BRAF: variants seen among roughly 807,000 people sequenced by gnomAD.
BRAF encodes serine/threonine-protein kinase B-raf.
Under a neutral mutation model 104.6 loss-of-function variants are expected in BRAF, and 16 were observed. That is an observed-to-expected ratio of 0.15 (90% CI 0.10 to 0.23). BRAF has a LOEUF of 0.23. Among genes scored for constraint, BRAF ranks in the 10% least tolerant of loss-of-function variants. The probability of loss-of-function intolerance (pLI) is 1.00; values close to 1 mark genes in which losing one functional copy is unlikely to be tolerated. For missense variants in BRAF, 541 were observed against 937.3 expected (o/e 0.58, Z 5.52); for synonymous variants, 310 against 341.6 (o/e 0.91, Z 1.02).
At chr7:140,861,003 G>A (rs1382926064) in intron 1 of BRAF, among the ~76,000 whole-genome samples, 12 of 152,032 alleles carry the variant, frequency 7.9e-5, no homozygotes, top group African/African-American at 2.2e-4. Context: ...AAAAGCTAGC[G>A]CTATATTTAT....
chr7:140,909,809 AAACAACAACAACAACAAC>A (rs142186028), intron 1 of BRAF, among the ~76,000 whole-genome samples: 6 of 148,670 alleles, frequency 4.0e-5, no homozygotes, highest in African/African-American at 1.3e-4. Context: ...CTCCGTCTCA[AAACAACAACAACAACAAC>A]AACAACAACA....
chr7:140,874,817 A>C (rs1812030761), intron 1 of BRAF, among the ~76,000 whole-genome samples: 1 of 152,112 alleles, frequency 6.6e-6, no homozygotes, highest in Non-Finnish European at 1.5e-5. Flanking sequence ...CTGATGGGAG[A>C]AAATTGGATC....
chr7:140,870,755 T>C (rs1811485388), intron 1 of BRAF, among the ~76,000 whole-genome samples: 1 of 151,780 alleles, frequency 6.6e-6, no homozygotes, highest in Non-Finnish European at 1.5e-5. Flanking sequence ...ATTGTGAACC[T>C]ACATGACTAT....
At position 140,761,480 on chromosome 7, in the gene BRAF, C is replaced by T. The variant is rs548636090; in HGVS notation, c.1815-7247G>A. On this transcript the variant is annotated intron_variant, in intron 14 of 19. Transcript: ENST00000644969. ...CGAGACTAGGAAGAAACTGCATCAA[C>T]TAACGAGCAAAATAACCAGCTAATA... Among the ~76,000 whole-genome samples the T allele has an allele frequency of 3.2e-3, 493 of 151,884 alleles. 3 individuals are homozygous for T. Among genetic ancestry groups the T allele is most frequent in the African/African-American group, 0.011 (471 of 41,386 alleles).
chr7:140,739,363 C>G (rs1029504756), intron 18 of BRAF, among the ~76,000 whole-genome samples: 3 of 152,064 alleles, frequency 2.0e-5, no homozygotes, highest in Admixed American at 1.3e-4. Context: ...TAAAACAATA[C>G]AACTCCTCAC....
chr7:140,808,415 G>C (rs1803883304), intron 4 of BRAF: 3 of 371,502 alleles, frequency 8.1e-6, no homozygotes, highest in Non-Finnish European at 1.5e-5. Context: ...CAAGGAAAAA[G>C]AGTACTCAAG....
intron 19 of BRAF, among the ~76,000 whole-genome samples, chr7:140,728,875 A>G (rs1436837562): frequency 3.9e-5 from 6 of 152,102 alleles, no homozygotes; most frequent in Non-Finnish European, 8.8e-5. Context: ...AAAAAATCAG[A>G]AAATGCTAAT....
At chr7:140,762,586 T>G (rs1798849520) in intron 14 of BRAF, among the ~76,000 whole-genome samples, 1 of 133,384 alleles carries the variant, frequency 7.5e-6, no homozygotes, top group East Asian at 2.3e-4. Context: ...TTCAAAAAAT[T>G]AATGAATCCA....
intron 1 of BRAF, among the ~76,000 whole-genome samples, chr7:140,874,241 C>T (rs545738941): frequency 1.4e-5 from 2 of 144,516 alleles, no homozygotes; most frequent in African/African-American, 5.1e-5. Flanking sequence ...GTCTCACTGT[C>T]GCCAGACTGG....
At chr7:140,916,572 T>C (rs974420758) in intron 1 of BRAF, among the ~76,000 whole-genome samples, 5 of 152,224 alleles carry the variant, frequency 3.3e-5, no homozygotes, top group African/African-American at 1.2e-4. Flanking sequence ...CCTATACACA[T>C]TTTGATTACA....
chr7:140,769,373 T>C (rs1366199091), intron 14 of BRAF, among the ~76,000 whole-genome samples: 1 of 151,452 alleles, frequency 6.6e-6, no homozygotes, highest in Non-Finnish European at 1.5e-5. Context: ...CCACCGTGCT[T>C]GGCCACCTCC....
chr7:140,850,676 C>T (rs770000795), intron 1 of BRAF, among the ~76,000 whole-genome samples: 9 of 152,120 alleles, frequency 5.9e-5, no homozygotes, highest in Non-Finnish European at 1.3e-4. Flanking sequence ...AGTCTCTCCA[C>T]GTCAATATGC....
chr7:140,723,595 A>G lies in BRAF; in HGVS notation c.*2899T>C, dbSNP rs1795430209. On this transcript the variant is annotated 3_prime_UTR_variant, in exon 20 of 20. Transcript: ENST00000644969. The stretch of plus-strand genomic sequence containing the variant: ...TTTTGGTCAATATTATTTCAGTGGC[A>G]AAAGTCTAGGTCCTTGACTCTAACG... 1 of 1,049,594 alleles carries G rather than the reference A, an allele frequency of 9.5e-7. No individual in the cohort carries two copies. The highest frequency in any genetic ancestry group is 4.6e-5 in the South Asian group (1 of 21,840). The allele number at this position is 1,049,594 out of a possible 1,614,324, so 65.0% of individuals were successfully genotyped here.
In BRAF at chr7:140,721,418, T is replaced by C. The variant is rs1242280806; in HGVS notation, c.*5076A>G. ...TACCCTTTCCACAATTAACAAAAAT[T>C]AGAATTGAATTTCAATTTAAATGTC... On this transcript the variant is annotated 3_prime_UTR_variant, in exon 20 of 20. Transcript: ENST00000644969. 1 of 1,251,964 alleles carries C rather than the reference T, an allele frequency of 8.0e-7. No individual in the cohort carries two copies. Among genetic ancestry groups the C allele is most frequent in the South Asian group, 3.5e-5 (1 of 28,832 alleles). The allele number at this position is 1,251,964 out of a possible 1,614,324, so 77.6% of individuals were successfully genotyped here. A position where few individuals can be genotyped will look rare whatever the true frequency, so the allele number is the denominator to read the frequency against.
At chr7:140,823,691 G>A (rs1391707901) in intron 3 of BRAF, 1 of 152,128 alleles carries the variant, frequency 6.6e-6, no homozygotes, top group Non-Finnish European at 1.5e-5. Context: ...GAGAATTGAT[G>A]GATTATATGG....
At chr7:140,921,073 G>A (rs752276105) in intron 1 of BRAF, among the ~76,000 whole-genome samples, 32 of 152,238 alleles carry the variant, frequency 2.1e-4, no homozygotes, top group Non-Finnish European at 4.1e-4. Flanking sequence ...TAAGACTGAC[G>A]ATCAGAGATC....
intron 1 of BRAF, among the ~76,000 whole-genome samples, chr7:140,914,905 T>C (rs1368994864): frequency 7.9e-6 from 1 of 127,190 alleles, no homozygotes; most frequent in African/African-American, 3.0e-5. Context: ...CCGGGCATGG[T>C]GGCATGCGCC....
intron 1 of BRAF, among the ~76,000 whole-genome samples, chr7:140,903,544 TG>T (rs2129131506): frequency 6.6e-6 from 1 of 152,334 alleles, no homozygotes; most frequent in Non-Finnish European, 1.5e-5. Flanking sequence ...TTTTCTCACC[TG>T]CTAACACATA....
Position 140,912,153 on chromosome 7 carries a change from C to G in BRAF, c.138+12413G>C, listed in dbSNP as rs138502176. On this transcript the variant is annotated intron_variant, in intron 1 of 19. Coordinates refer to ENST00000644969, the MANE Select transcript of BRAF (RefSeq NM_001374258.1). ...GGGTAGCAGAGTGAGACCCCCATCT[C>G]TTAAAGGAAAAAAAATTGCCCATTA... is the stretch of plus-strand genomic sequence containing the variant. 3.6e-3 allele frequency among the ~76,000 whole-genome samples: 547 copies of G among 152,208 alleles called. 6 individuals carry two copies. The highest frequency in any genetic ancestry group is 0.012 in the African/African-American group (518 of 41,538).
Sources: gnomAD v4.1 joint callset for allele counts (sites outside exome capture counted in the v4.1 genomes callset) on GRCh38, gnomAD v4.1.1 for gene constraint, MANE v1.5 for transcripts, NCBI Gene and HGNC (gene_info 2026-07-23, HGNC 2026-07-21) for gene names.